Variants in ROR2 observed in about 807,000 individuals in gnomAD.
ROR2 encodes the protein ROR family WNT receptor 2.
In ROR2, 33 loss-of-function variants were observed where a neutral mutation model predicts 74.9. That is an observed-to-expected ratio of 0.44 (90% CI 0.33 to 0.59). The LOEUF (loss-of-function observed/expected upper bound fraction) is 0.59. Ranked by LOEUF, ROR2 falls within the 20% of genes least tolerant of loss-of-function variation. The pLI is 0.02. For synonymous variants in ROR2, 586 were observed against 558.7 expected (o/e 1.05, Z -0.69); for missense variants, 1,216 against 1,313.8 (o/e 0.93, Z 1.15).
intron 1 of ROR2, among the ~76,000 whole-genome samples, chr9:91,913,403 A>G (rs1831043595): frequency 6.6e-6 from 1 of 152,180 alleles, no homozygotes; most frequent in Non-Finnish European, 1.5e-5. Flanking sequence ...GTTCCAGAGA[A>G]GAGACAAAAA....
At position 91,757,306 on chromosome 9, in the gene ROR2, G is replaced by A; in HGVS notation, c.429C>T (p.Thr143=). Residue 143 remains threonine (T), a synonymous_variant, in exon 3 of 9, where the codon ACC becomes ACT. Coordinates refer to ENST00000375708, the MANE Select transcript of ROR2 (RefSeq NM_004560.4). ...CAAACAGGACGCCAGTGGCGGTAAT[G>A]GTCTTCATCCCGTTGGTGGCCACGC... ...YQCVATNGMK[T]ITATGVLFVR... The A allele has an allele frequency of 6.2e-7, 1 of 1,614,000 alleles. No homozygotes were observed. Among genetic ancestry groups the A allele is most frequent in the Non-Finnish European group, 8.5e-7 (1 of 1,180,022 alleles).
chr9:91,748,207 G>A (rs796345525), intron 4 of ROR2, among the ~76,000 whole-genome samples: 2 of 151,996 alleles, frequency 1.3e-5, no homozygotes, highest in East Asian at 1.9e-4. Flanking sequence ...CCTGGGAGGC[G>A]GAGGTTTCAG....
chr9:91,775,697 G>C (rs1826394485), intron 2 of ROR2, 44 bp downstream of exon 2: 7 of 1,573,208 alleles, frequency 4.4e-6, no homozygotes, highest in Non-Finnish European at 6.1e-6. Flanking sequence ...CCTCAGCACA[G>C]GGCATTTGGA....
chr9:91,801,136 G>A (rs570603992), intron 1 of ROR2, among the ~76,000 whole-genome samples: 2 of 152,056 alleles, frequency 1.3e-5, no homozygotes, highest in Admixed American at 1.3e-4. Flanking sequence ...AAAGCATGGA[G>A]GAGTTTAATT....
chr9:91,909,847 GTTTTTTTTT>G (rs71362365), intron 1 of ROR2, among the ~76,000 whole-genome samples: 3 of 53,598 alleles, frequency 5.6e-5, no homozygotes, highest in African/African-American at 1.6e-4. Context: ...GGTTTGTTTT[GTTTTTTTTT>G]TTTTTTTTTT....
chr9:91,834,867 A>G (rs996569579), intron 1 of ROR2, among the ~76,000 whole-genome samples: 16 of 152,232 alleles, frequency 1.1e-4, no homozygotes, highest in Admixed American at 8.5e-4. Context: ...CACAGCTCCA[A>G]TAAAACCCGA....
intron 1 of ROR2, among the ~76,000 whole-genome samples, chr9:91,848,217 C>A (rs1828984383): frequency 6.6e-6 from 1 of 152,146 alleles, no homozygotes; most frequent in Admixed American, 6.5e-5. Flanking sequence ...AATAAGCTGA[C>A]AAAGAACTCT....
Position 91,723,319 on chromosome 9 carries a change from G to T in ROR2, c.*343C>A. 1 of 299,540 alleles carries T rather than the reference G, an allele frequency of 3.3e-6. No individual in the cohort carries two copies. The highest frequency in any genetic ancestry group is 7.0e-5 in the East Asian group (1 of 14,250). 18.6% of individuals were successfully genotyped at this position (299,540 alleles called of 1,614,324 possible). A position where few individuals can be genotyped will look rare whatever the true frequency, so the allele number is the denominator to read the frequency against. ...GTTTTGAAATATTCACTCCATATAT[G>T]ACATGGAGTGAAGCTGCCACCTATT... is the stretch of plus-strand genomic sequence containing the variant. On this transcript the variant is annotated 3_prime_UTR_variant, in exon 9 of 9. Transcript: ENST00000375708.
chr9:91,837,609 A>G (rs143031043), intron 1 of ROR2, among the ~76,000 whole-genome samples: 1 of 152,340 alleles, frequency 6.6e-6, no homozygotes, highest in African/African-American at 2.4e-5. Context: ...AGGCCAATCA[A>G]TTAAAGGATC....
At chr9:91,785,364 C>A (rs1419454724) in intron 1 of ROR2, among the ~76,000 whole-genome samples, 1 of 152,194 alleles carries the variant, frequency 6.6e-6, no homozygotes, top group Admixed American at 6.5e-5. Flanking sequence ...CCTACTTAGC[C>A]CTACTCTCAG....
At chr9:91,835,341 G>A (rs1463635232) in intron 1 of ROR2, among the ~76,000 whole-genome samples, 1 of 152,218 alleles carries the variant, frequency 6.6e-6, no homozygotes, top group Non-Finnish European at 1.5e-5. Flanking sequence ...TCTTTAAGGA[G>A]ACATGTACAA....
At chr9:91,858,406 C>T (rs961819865) in intron 1 of ROR2, among the ~76,000 whole-genome samples, 1 of 152,136 alleles carries the variant, frequency 6.6e-6, no homozygotes, top group African/African-American at 2.4e-5. Context: ...CATACATTCA[C>T]ACAGGCACAC....
intron 4 of ROR2, among the ~76,000 whole-genome samples, chr9:91,750,835 C>G (rs1165417483): frequency 2.6e-5 from 4 of 152,098 alleles, no homozygotes; most frequent in Admixed American, 2.6e-4. Flanking sequence ...TGAGGATAGG[C>G]TGGATACACA....
chr9:91,899,171 CA>C (rs1830609782), intron 1 of ROR2, among the ~76,000 whole-genome samples: 1 of 152,190 alleles, frequency 6.6e-6, no homozygotes, highest in African/African-American at 2.4e-5. Flanking sequence ...AAAGGGCCCC[CA>C]GGGGGTGCGG....
chr9:91,949,717 G>A (rs1343081101), intron 1 of ROR2, 150 bp downstream of exon 1: 5 of 661,150 alleles, frequency 7.6e-6, no homozygotes, highest in South Asian at 1.6e-5. Context: ...CGGGAGCGGC[G>A]TCGGGCGAGA....
intron 1 of ROR2, among the ~76,000 whole-genome samples, chr9:91,844,830 T>C (rs996749463): frequency 6.6e-6 from 1 of 152,058 alleles, no homozygotes; most frequent in Non-Finnish European, 1.5e-5. Context: ...GTATACAGAA[T>C]AGCAAGCCTC....
chr9:91,933,378 T>TAA (rs1050933333), intron 1 of ROR2, among the ~76,000 whole-genome samples: 4 of 148,442 alleles, frequency 2.7e-5, no homozygotes, highest in African/African-American at 7.4e-5. Flanking sequence ...CTCACAGAGT[T>TAA]AAAAAAAAAA....
At chr9:91,847,891 G>T (rs761167240) in intron 1 of ROR2, among the ~76,000 whole-genome samples, 1 of 151,768 alleles carries the variant, frequency 6.6e-6, no homozygotes, top group East Asian at 1.9e-4. Flanking sequence ...GGACGGGAAG[G>T]ATGCAGGAGC....
chr9:91,799,607 G>A (rs1827307450), intron 1 of ROR2, among the ~76,000 whole-genome samples: 1 of 152,188 alleles, frequency 6.6e-6, no homozygotes, highest in African/African-American at 2.4e-5. Flanking sequence ...TACCAGCCCT[G>A]AGCCAAGGCA....
Sources: allele counts gnomAD v4.1 joint callset (sites outside exome capture counted in the v4.1 genomes callset), GRCh38; gene constraint gnomAD v4.1.1; transcripts MANE v1.5; gene names NCBI Gene and HGNC (gene_info 2026-07-23, HGNC 2026-07-21).